Variants in MBD3 observed in about 807,000 individuals in gnomAD.
MBD3 encodes the protein methyl-CpG binding domain protein 3.
A neutral mutation model predicts 31.2 loss-of-function variants in MBD3; 13 were observed. That is an observed-to-expected ratio of 0.42 (90% confidence interval 0.27 to 0.66). MBD3 has a LOEUF of 0.66. Among genes scored for constraint, MBD3 ranks in the 30% least tolerant of loss-of-function variants. The probability of loss-of-function intolerance (pLI) is 0.26; values close to 1 mark genes in which losing one functional copy is unlikely to be tolerated. For missense variants in MBD3, 440 were observed against 426.5 expected (o/e 1.03, Z -0.28); for synonymous variants, 223 against 187.4 (o/e 1.19, Z -1.55).
intron 1 of MBD3, chr19:1,592,228 C>G (rs1286141583): frequency 6.5e-6 from 1 of 153,998 alleles, no homozygotes; most frequent in Admixed American, 6.5e-5. Context: ...CCCTGCCCCC[C>G]GGTAGCATCT....
chr19:1,587,408 CTTTT>C (rs372109361), intron 1 of MBD3, among the ~76,000 whole-genome samples: 1 of 148,532 alleles, frequency 6.7e-6, no homozygotes, highest in Non-Finnish European at 1.5e-5. Context: ...TGCTTCATTT[CTTTT>C]TTTTTTCATT....
chr19:1,583,464 A>T (rs914848420), intron 3 of MBD3: 1 of 151,994 alleles, frequency 6.6e-6, no homozygotes, highest in Non-Finnish European at 1.5e-5. Flanking sequence ...TAGGTTACAC[A>T]GTCACATATG....
chr19:1,580,309 C>T (rs1015097957), intron 5 of MBD3, among the ~76,000 whole-genome samples: 2 of 152,146 alleles, frequency 1.3e-5, no homozygotes, highest in Non-Finnish European at 2.9e-5. Flanking sequence ...GTGGGGGTGG[C>T]GTCTCAGGTC....
At position 1,578,654 on chromosome 19, in the gene MBD3, C is replaced by G. The variant is rs886564901; in HGVS notation, c.678-116G>C. On this transcript the variant is annotated intron_variant, in intron 5 of 6. Transcript: ENST00000434436. This position sits in a 1 kb window ranked among gnomAD's most constrained non-coding sequence, Gnocchi z 6.1. ...AGGCCCGAGGGATCCACAGGCACCCCCCCAGGACCAGCCCTGGCCCGTGCC... is the reference window on the plus strand; with the variant it reads ...AGGCCCGAGGGATCCACAGGCACCCGCCCAGGACCAGCCCTGGCCCGTGCC... 3 of 1,588,398 alleles carry G rather than the reference C, an allele frequency of 1.9e-6. No homozygotes were observed. The highest frequency in any genetic ancestry group is 2.6e-6 in the Non-Finnish European group (3 of 1,172,342).
In MBD3 at chr19:1,585,144, T is replaced by TGCTCAGGTCCATGGAGCC. The variant is rs2060672826; in HGVS notation, c.163_180dup (p.Gly55_Ser60dup). The TGCTCAGGTCCATGGAGCC allele has an allele frequency of 1.9e-6, 3 of 1,611,374 alleles. No homozygotes were observed. The highest frequency in any genetic ancestry group is 1.1e-5 in the South Asian group (1 of 91,068). On this transcript the variant is annotated inframe_insertion, in exon 2 of 7. Transcript: ENST00000434436. This position sits in a 1 kb window ranked among gnomAD's most constrained non-coding sequence, Gnocchi z 4.1. ...ATCTTGCCCGTGCGGAAGTCGAAGG[T>TGCTCAGGTCCATGGAGCC]GCTCAGGTCCATGGAGCCGCCCAGG...
In MBD3 at chr19:1,576,777, G is replaced by T. The variant is rs1917202517; in HGVS notation, c.*1387C>A. The stretch of plus-strand genomic sequence containing the variant: ...GAGGGGAGGCCACCCCACTGCAAAG[G>T]GTCCCAGCCAGTGGGCACCAACCTC... On this transcript the variant is annotated 3_prime_UTR_variant, in exon 7 of 7. Transcript: ENST00000434436. 6.6e-6 allele frequency: 1 copy of T among 152,282 alleles called. No homozygotes were observed. Among genetic ancestry groups the T allele is most frequent in the South Asian group, 2.1e-4 (1 of 4,836 alleles). 9.4% of individuals were successfully genotyped at this position (152,282 alleles called of 1,614,324 possible).
rs149679096 is a variant in MBD3 at position 1,581,178 on chromosome 19, C to A, written c.591G>T (p.Ser197=). 5 of 1,614,052 alleles carry A rather than the reference C, an allele frequency of 3.1e-6. No individual in the cohort carries two copies. Among genetic ancestry groups the A allele is most frequent in the Non-Finnish European group, 4.2e-6 (5 of 1,180,020 alleles). Residue 197 remains serine, a synonymous_variant, in exon 5 of 7, where the codon TCG becomes TCT. Transcript: ENST00000434436. ...CGCCGGGGTTCTTCTCCACGGCGGC[C>A]GAGAGCTGTCCCGTGATGGGCATGG... ...TSTMPITGQL[S]AAVEKNPGVW... is the part of the protein sequence containing the mutation.
intron 1 of MBD3, among the ~76,000 whole-genome samples, chr19:1,591,498 G>A (rs2060703404): frequency 6.6e-6 from 1 of 152,152 alleles, no homozygotes; most frequent in Non-Finnish European, 1.5e-5. Flanking sequence ...GCCCTCACCT[G>A]GGCGGTCTCC....
At chr19:1,588,855 G>T (rs577204235) in intron 1 of MBD3, among the ~76,000 whole-genome samples, 1 of 151,992 alleles carries the variant, frequency 6.6e-6, no homozygotes, top group East Asian at 1.9e-4. Flanking sequence ...GTTAAGACTG[G>T]GGGTGGGCGC....
chr19:1,575,501 C>T lies in MBD3; in HGVS notation c.*2663G>A. On this transcript the variant is annotated 3_prime_UTR_variant, in exon 7 of 7. Coordinates refer to ENST00000434436, the MANE Select transcript of MBD3 (RefSeq NM_001281453.2). ...TGGCCTTTGAGGATGGGGCCAGGCA[C>T]CGCACAGGGCAGGCTGGTCATGAGG... The T allele has an allele frequency of 7.0e-6, 2 of 287,570 alleles. No homozygotes were observed. Among genetic ancestry groups the T allele is most frequent in the South Asian group, 2.9e-5 (1 of 34,638 alleles). The allele number at this position is 287,570 out of a possible 1,614,324, so 17.8% of individuals were successfully genotyped here.
Position 1,575,269 on chromosome 19 carries a change from A to G in MBD3, c.*2895T>C, listed in dbSNP as rs1245035844. On this transcript the variant is annotated 3_prime_UTR_variant, in exon 7 of 7. Transcript: ENST00000434436. ...ACATGGTGAAACCCTGTCTCTATTA[A>G]AAATACAAAAATTAGCTGGGCGTGG... The G allele has an allele frequency of 2.3e-6, 1 of 431,744 alleles. No individual in the cohort carries two copies. The highest frequency in any genetic ancestry group is 7.4e-5 in the East Asian group (1 of 13,486). The allele number at this position is 431,744 out of a possible 1,614,324, so 26.7% of individuals were successfully genotyped here.
At chr19:1,579,181 CAAAAAAAAA>C (rs57070800) in intron 5 of MBD3, among the ~76,000 whole-genome samples, 4 of 21,496 alleles carry the variant, frequency 1.9e-4, no homozygotes, top group East Asian at 2.3e-3. Context: ...CAGATTCTGC[CAAAAAAAAA>C]AAAAAAAAAA....
Position 1,578,438 on chromosome 19 carries a change from C to A in MBD3, c.778G>T (p.Ala260Ser). Reference sequence around the variant, plus strand: ...TCAGCGCAGGCCTTGTCCAGCGGCGCCTCCCCGTCACGGGCCAGCTCCTCC... The same window carrying A: ...TCAGCGCAGGCCTTGTCCAGCGGCGACTCCCCGTCACGGGCCAGCTCCTCC... ...HVEELARDGE[A>S]PLDKACAEDD... is the part of the protein sequence containing the mutation. The change falls in exon 6 of 7, where the codon GCG becomes TCG. Residue 260 changes from alanine to serine, a missense_variant. Physicochemically the swap from Ala to Ser is moderately conservative, Grantham distance 99. Around this residue, in one of 3 missense-constraint regions of MBD3, gnomAD observed 117 missense variants for 95.0 expected, o/e 1.23. Transcript: ENST00000434436. The surrounding 1 kb of genome is among the most constrained non-coding windows in gnomAD (Gnocchi z 6.1). 1 of 1,606,586 alleles carries A rather than the reference C, an allele frequency of 6.2e-7. No individual in the cohort carries two copies. Among genetic ancestry groups the A allele is most frequent in the Non-Finnish European group, 8.5e-7 (1 of 1,179,810 alleles).
chr19:1,577,970 T>G lies in MBD3; in HGVS notation c.*194A>C. The G allele has an allele frequency of 2.6e-6, 1 of 379,026 alleles. No homozygotes were observed. 23.5% of individuals were successfully genotyped at this position (379,026 alleles called of 1,614,324 possible). On this transcript the variant is annotated 3_prime_UTR_variant, in exon 7 of 7. Coordinates refer to ENST00000434436, the MANE Select transcript of MBD3 (RefSeq NM_001281453.2). Reference sequence around the variant, plus strand: ...GGACGAGCGTGGAGGGTCTTTCGGGTGGGGGCAGCCCCAGCTGTGTGCCCC... The same window carrying G: ...GGACGAGCGTGGAGGGTCTTTCGGGGGGGGGCAGCCCCAGCTGTGTGCCCC...
intron 5 of MBD3, among the ~76,000 whole-genome samples, chr19:1,579,576 C>G (rs1333943469): frequency 6.6e-6 from 1 of 152,044 alleles, no homozygotes; most frequent in East Asian, 1.9e-4. Context: ...GAGGCTCAGC[C>G]GCCCCCTGCC....
At chr19:1,584,731 C>G in intron 2 of MBD3, 54 bp from the exon 3 acceptor site, 2 of 1,576,952 alleles carry the variant, frequency 1.3e-6, no homozygotes, top group South Asian at 1.1e-5. Context: ...CGGCGCGGAG[C>G]CTCAGGGGGT....
In MBD3 at chr19:1,581,686, T is replaced by C. The variant is rs571457096; in HGVS notation, c.500-417A>G. 19 of 322,586 alleles carry C rather than the reference T, an allele frequency of 5.9e-5. No homozygotes were observed. In the Admixed American group the frequency reaches 6.4e-4, roughly 11 times the overall value. The allele number at this position is 322,586 out of a possible 1,614,324, so 20.0% of individuals were successfully genotyped here. ...CTTGAGCCCGGGAGGTAGAGGCTGC[T>C]GTGAGTAGTAACGGCGCCACTGTAC... is the stretch of plus-strand genomic sequence containing the variant. On this transcript the variant is annotated intron_variant, in intron 4 of 6. Transcript: ENST00000434436.
intron 3 of MBD3, chr19:1,583,481 CA>C (rs1249802643): frequency 6.6e-6 from 1 of 151,868 alleles, no homozygotes; most frequent in Non-Finnish European, 1.5e-5. Context: ...TATGGGCAGT[CA>C]ACCCCCTGTA....
chr19:1,583,573 A>G (rs1432618871), intron 3 of MBD3, among the ~76,000 whole-genome samples: 1 of 151,790 alleles, frequency 6.6e-6, no homozygotes, highest in African/African-American at 2.4e-5. Flanking sequence ...AAATACAACA[A>G]CTGGCCAGGT....
Sources: allele counts gnomAD v4.1 joint callset (sites outside exome capture counted in the v4.1 genomes callset), GRCh38; gene constraint gnomAD v4.1.1; regional missense constraint gnomAD v4.1.1; non-coding constraint Gnocchi (gnomAD v3.1); transcripts MANE v1.5; gene names NCBI Gene and HGNC (gene_info 2026-07-23, HGNC 2026-07-21).